CACNA1E: variants seen among roughly 807,000 people sequenced by gnomAD.
CACNA1E encodes calcium voltage-gated channel subunit alpha1 E.
CACNA1E carries 40 observed loss-of-function variants against 259.2 expected under a neutral mutation model. The ratio of observed to expected loss-of-function variants is 0.15; its 90% confidence interval spans 0.12 to 0.20. The LOEUF (loss-of-function observed/expected upper bound fraction) is 0.20. Among genes scored for constraint, CACNA1E ranks in the 10% least tolerant of loss-of-function variants. The pLI is 1.00. For synonymous variants in CACNA1E, 1,104 were observed against 1,138.5 expected (o/e 0.97, Z 0.61); for missense variants, 1,874 against 3,040.1 (o/e 0.62, Z 9.02).
chr1:181,795,930 C>T (rs1558403700), intron 46 of CACNA1E, among the ~76,000 whole-genome samples: 1 of 151,802 alleles, frequency 6.6e-6, no homozygotes, highest in Admixed American at 6.6e-5. Context: ...GACTTCTCAC[C>T]ATAGCATTAT....
intron 6 of CACNA1E, among the ~76,000 whole-genome samples, chr1:181,631,505 C>T (rs1037875839): frequency 2.6e-5 from 4 of 152,024 alleles, no homozygotes; most frequent in Non-Finnish European, 5.9e-5. Context: ...GTGCTCTGAG[C>T]ATAGGTGGTG....
intron 7 of CACNA1E, among the ~76,000 whole-genome samples, chr1:181,699,406 T>G (rs1470517376): frequency 3.9e-5 from 6 of 152,162 alleles, no homozygotes; most frequent in African/African-American, 1.4e-4. Flanking sequence ...ATGGGGCCAT[T>G]AATTTTAATT....
intron 2 of CACNA1E, among the ~76,000 whole-genome samples, chr1:181,468,760 T>A (rs57657215): frequency 2.0e-5 from 3 of 152,044 alleles, no homozygotes; most frequent in Admixed American, 6.5e-5. Context: ...GTCTAAATAA[T>A]TTTTTGGCAG....
At chr1:181,658,368 G>T (rs1659376547) in intron 7 of CACNA1E, among the ~76,000 whole-genome samples, 1 of 152,212 alleles carries the variant, frequency 6.6e-6, no homozygotes, top group Non-Finnish European at 1.5e-5. Context: ...TGACATTCAT[G>T]GGTGAGAAGC....
chr1:181,488,089 C>T (rs1377617880), intron 1 of CACNA1E, among the ~76,000 whole-genome samples: 1 of 152,208 alleles, frequency 6.6e-6, no homozygotes, highest in African/African-American at 2.4e-5. Context: ...GTATGCTTTA[C>T]TACTGTGAAT....
intron 3 of CACNA1E, among the ~76,000 whole-genome samples, chr1:181,576,490 T>C (rs530350290): frequency 2.6e-5 from 4 of 152,378 alleles, no homozygotes; most frequent in Admixed American, 6.5e-5. Flanking sequence ...GCATGCACTT[T>C]CCATACAGTT....
At chr1:181,564,583 A>T (rs1475493720) in intron 3 of CACNA1E, among the ~76,000 whole-genome samples, 1 of 152,290 alleles carries the variant, frequency 6.6e-6, no homozygotes, top group Non-Finnish European at 1.5e-5. Context: ...ATTCTTGTTT[A>T]TGTTGGTCTT....
intron 2 of CACNA1E, among the ~76,000 whole-genome samples, chr1:181,419,764 C>A (rs1156275346): frequency 6.6e-6 from 1 of 152,236 alleles, no homozygotes; most frequent in Non-Finnish European, 1.5e-5. Context: ...AAGGAGGCAG[C>A]TGAGTTCCCT....
chr1:181,762,791 C>T (rs1441838448), intron 33 of CACNA1E, 134 bp downstream of exon 33: 4 of 635,708 alleles, frequency 6.3e-6, no homozygotes, highest in African/African-American at 5.8e-5. Context: ...AATTTACTCC[C>T]TTGCTGCTTG....
intron 2 of CACNA1E, among the ~76,000 whole-genome samples, chr1:181,428,395 G>A (rs933047163): frequency 2.0e-5 from 3 of 152,146 alleles, no homozygotes; most frequent in Non-Finnish European, 4.4e-5. Flanking sequence ...GCAAGGCTCT[G>A]GGGACACTGT....
chr1:181,731,497 G>T (rs1262590051), intron 19 of CACNA1E, among the ~76,000 whole-genome samples: 1 of 152,228 alleles, frequency 6.6e-6, no homozygotes, highest in Non-Finnish European at 1.5e-5. Context: ...TTGTGTTAGT[G>T]TTGGTGGGTA....
intron 6 of CACNA1E, among the ~76,000 whole-genome samples, chr1:181,634,765 C>A (rs115488570): frequency 0.018 from 2,806 of 152,276 alleles, 29 homozygotes; most frequent in Middle Eastern, 0.031. Context: ...CCTATCAGAG[C>A]CTCCAACCTT....
intron 7 of CACNA1E, among the ~76,000 whole-genome samples, chr1:181,708,527 T>C (rs1055945556): frequency 1.3e-5 from 2 of 152,332 alleles, no homozygotes; most frequent in African/African-American, 4.8e-5. Context: ...TCTTTCAAGG[T>C]CTTGCTCAAA....
chr1:181,487,593 C>T (rs182369140), intron 1 of CACNA1E, among the ~76,000 whole-genome samples: 42 of 152,318 alleles, frequency 2.8e-4, no homozygotes, highest in Middle Eastern at 3.4e-3. Flanking sequence ...ACATTCTATA[C>T]GATTCCTCGT....
intron 2 of CACNA1E, among the ~76,000 whole-genome samples, chr1:181,440,429 C>T (rs997796630): frequency 1.2e-4 from 18 of 152,112 alleles, no homozygotes; most frequent in Admixed American, 2.6e-4. Flanking sequence ...CAGGGTGGCC[C>T]AGGGGAGGTG....
At chr1:181,652,991 T>C (rs1658893867) in intron 7 of CACNA1E, among the ~76,000 whole-genome samples, 1 of 151,992 alleles carries the variant, frequency 6.6e-6, no homozygotes, top group South Asian at 2.1e-4. Flanking sequence ...GATTCCTCTT[T>C]TGGGGAACTG....
intron 7 of CACNA1E, among the ~76,000 whole-genome samples, chr1:181,667,427 C>G (rs1648344757): frequency 6.6e-6 from 1 of 152,086 alleles, no homozygotes; most frequent in Admixed American, 6.6e-5. Context: ...AAGAAAAAAG[C>G]TCTTATTCTG....
intron 7 of CACNA1E, among the ~76,000 whole-genome samples, chr1:181,701,202 A>C (rs951836924): frequency 6.6e-6 from 1 of 152,076 alleles, no homozygotes; most frequent in Non-Finnish European, 1.5e-5. Context: ...CTGGTAATAA[A>C]CTCTCAATTT....
chr1:181,394,884 G>A (rs919974101), intron 1 of CACNA1E, among the ~76,000 whole-genome samples: 3 of 152,170 alleles, frequency 2.0e-5, no homozygotes, highest in African/African-American at 7.2e-5. Flanking sequence ...AGACTAGAAG[G>A]AGGTAGAGTC....
Sources: allele counts gnomAD v4.1 joint callset (sites outside exome capture counted in the v4.1 genomes callset), GRCh38; gene constraint gnomAD v4.1.1; transcripts MANE v1.5; gene names NCBI Gene and HGNC (gene_info 2026-07-23, HGNC 2026-07-21).